SEMA5A: variants seen among roughly 807,000 people sequenced by gnomAD.
SEMA5A encodes the protein semaphorin-5A.
SEMA5A carries 55 observed loss-of-function variants against 135.5 expected under a neutral mutation model. The observed-to-expected ratio is 0.41, with a 90% CI of 0.33 to 0.51. The LOEUF (loss-of-function observed/expected upper bound fraction) is 0.51. Ranked by LOEUF, SEMA5A falls within the 20% of genes least tolerant of loss-of-function variation. SEMA5A has a pLI of 0.37. For missense variants in SEMA5A, 1,290 were observed against 1,419.9 expected, an observed-to-expected ratio of 0.91 and a Z score of 1.47; for synonymous variants, 580 against 546.5, an observed-to-expected ratio of 1.06 and a Z score of -0.85.
intron 8 of SEMA5A, among the ~76,000 whole-genome samples, chr5:9,218,225 A>T (rs1746739838): frequency 6.6e-6 from 1 of 152,220 alleles, no homozygotes; most frequent in Admixed American, 6.5e-5. Flanking sequence ...ATATTTTTTA[A>T]AAAAAGAGAA....
intron 1 of SEMA5A, among the ~76,000 whole-genome samples, chr5:9,541,573 A>G (rs1738094136): frequency 6.6e-6 from 1 of 152,234 alleles, no homozygotes; most frequent in Non-Finnish European, 1.5e-5. Context: ...AGAGTTTAAA[A>G]ACAGAATGAT....
At chr5:9,327,309 G>A (rs1022433535) in intron 4 of SEMA5A, among the ~76,000 whole-genome samples, 9 of 151,790 alleles carry the variant, frequency 5.9e-5, no homozygotes, top group African/African-American at 1.5e-4. Context: ...TGTATTCTTC[G>A]GGCTATGCAA....
intron 1 of SEMA5A, among the ~76,000 whole-genome samples, chr5:9,543,572 A>T (rs935840628): frequency 6.6e-6 from 1 of 152,226 alleles, no homozygotes; most frequent in African/African-American, 2.4e-5. Context: ...GAGTTAGTGC[A>T]ATTCACAAAA....
At chr5:9,144,926 T>C (rs1742253183) in intron 12 of SEMA5A, among the ~76,000 whole-genome samples, 2 of 152,174 alleles carry the variant, frequency 1.3e-5, no homozygotes, top group African/African-American at 4.8e-5. Context: ...CAGCAAATGA[T>C]TGGCTGGTCA....
chr5:9,457,051 G>A lies in SEMA5A; in HGVS notation c.-174-19199C>T, dbSNP rs567911393. Among the ~76,000 whole-genome samples the A allele has an allele frequency of 1.2e-4, 19 of 152,136 alleles. No individual in the cohort carries two copies. The South Asian group carries it at 2.7e-3, about 22-fold the overall frequency. Reference sequence around the variant, plus strand: ...TTATACCCCCTACACATTCTAGATCGAGCCTAGCAAATTAGCCCAAATATG... The same window carrying A: ...TTATACCCCCTACACATTCTAGATCAAGCCTAGCAAATTAGCCCAAATATG... On this transcript the variant is annotated intron_variant, in intron 1 of 22. Coordinates refer to ENST00000382496, the MANE Select transcript of SEMA5A (RefSeq NM_003966.3).
intron 3 of SEMA5A, among the ~76,000 whole-genome samples, chr5:9,347,621 C>T (rs1753934179): frequency 6.6e-6 from 1 of 151,890 alleles, no homozygotes; most frequent in Non-Finnish European, 1.5e-5. Flanking sequence ...GCATTAAATA[C>T]TAACCACCAA....
intron 3 of SEMA5A, among the ~76,000 whole-genome samples, chr5:9,353,087 A>G (rs199718696): frequency 6.5e-5 from 1 of 15,272 alleles, no homozygotes; most frequent in East Asian, 2.6e-3. Context: ...AGGAAAGGAA[A>G]GGAAAGGAAG....
intron 3 of SEMA5A, among the ~76,000 whole-genome samples, chr5:9,378,159 T>C (rs1412232382): frequency 6.6e-6 from 1 of 151,916 alleles, no homozygotes; most frequent in Non-Finnish European, 1.5e-5. Flanking sequence ...GGATGACAAA[T>C]GAATGACCTG....
intron 3 of SEMA5A, among the ~76,000 whole-genome samples, chr5:9,377,655 G>T (rs1467621671): frequency 6.6e-6 from 1 of 152,132 alleles, no homozygotes; most frequent in Non-Finnish European, 1.5e-5. Flanking sequence ...AAAAGGCAAA[G>T]AAATAATTAG....
At chr5:9,059,399 C>CTAGT (rs1376382803) in intron 18 of SEMA5A, among the ~76,000 whole-genome samples, 3 of 152,098 alleles carry the variant, frequency 2.0e-5, no homozygotes, top group Non-Finnish European at 4.4e-5. Context: ...GGTGAAGGTA[C>CTAGT]TAGTTAGATG....
chr5:9,284,313 T>C (rs1296709409), intron 5 of SEMA5A, among the ~76,000 whole-genome samples: 1 of 152,214 alleles, frequency 6.6e-6, no homozygotes, highest in Non-Finnish European at 1.5e-5. Flanking sequence ...CAGTAGACTA[T>C]AAAACAGTAG....
chr5:9,255,941 T>G (rs1383057666), intron 5 of SEMA5A, among the ~76,000 whole-genome samples: 1 of 152,068 alleles, frequency 6.6e-6, no homozygotes, highest in Non-Finnish European at 1.5e-5. Context: ...CACTACCCAC[T>G]TAGTTGCTCT....
chr5:9,222,579 G>T (rs759768833), intron 8 of SEMA5A, among the ~76,000 whole-genome samples: 4 of 152,170 alleles, frequency 2.6e-5, no homozygotes, highest in Admixed American at 6.5e-5. Flanking sequence ...TAGAGCCACC[G>T]TATTGACCTC....
At chr5:9,174,513 G>A (rs1190074769) in intron 11 of SEMA5A, among the ~76,000 whole-genome samples, 1 of 152,180 alleles carries the variant, frequency 6.6e-6, no homozygotes, top group Non-Finnish European at 1.5e-5. Context: ...CATTGTTACT[G>A]CTATTTTATC....
chr5:9,358,741 A>G (rs964651973), intron 3 of SEMA5A, among the ~76,000 whole-genome samples: 16 of 152,208 alleles, frequency 1.1e-4, no homozygotes, highest in Non-Finnish European at 1.8e-4. Flanking sequence ...TGCACCCTCT[A>G]TGTTGAAAGA....
At chr5:9,139,047 G>C (rs1741919462) in intron 12 of SEMA5A, among the ~76,000 whole-genome samples, 1 of 152,152 alleles carries the variant, frequency 6.6e-6, no homozygotes, top group Non-Finnish European at 1.5e-5. Flanking sequence ...GAATTGTGCT[G>C]CTATAAACAT....
intron 5 of SEMA5A, among the ~76,000 whole-genome samples, chr5:9,279,558 T>C (rs1244824206): frequency 1.3e-5 from 2 of 152,130 alleles, no homozygotes; most frequent in Non-Finnish European, 1.5e-5. Context: ...CAGAATGATA[T>C]GGCTTAGCTC....
Position 9,043,100 on chromosome 5 carries a change from G to A in SEMA5A, c.3106-84C>T, listed in dbSNP as rs967167768. 4 of 1,207,008 alleles carry A rather than the reference G, an allele frequency of 3.3e-6. No homozygotes were observed. In the African/African-American group the frequency reaches 4.6e-5, roughly 14 times the overall value. 74.8% of individuals were successfully genotyped at this position (1,207,008 alleles called of 1,614,324 possible). On this transcript the variant is annotated intron_variant, in intron 22 of 22. Coordinates refer to ENST00000382496, the MANE Select transcript of SEMA5A (RefSeq NM_003966.3). The stretch of plus-strand genomic sequence containing the variant: ...ATATAACAAGGATGACTATTATGTT[G>A]AATTTGAGCTCTCTGCTAAGACTCC...
At chr5:9,242,554 G>T (rs1748257891) in intron 5 of SEMA5A, among the ~76,000 whole-genome samples, 1 of 152,186 alleles carries the variant, frequency 6.6e-6, no homozygotes, top group African/African-American at 2.4e-5. Flanking sequence ...TGGTATGTGG[G>T]AGCTAAGCTA....
Sources: gnomAD v4.1 joint callset for allele counts (sites outside exome capture counted in the v4.1 genomes callset) on GRCh38, gnomAD v4.1.1 for gene constraint, MANE v1.5 for transcripts, NCBI Gene and HGNC (gene_info 2026-07-23, HGNC 2026-07-21) for gene names.